Variants in HDAC9 observed in about 807,000 individuals in gnomAD.
HDAC9 encodes MEF-2 interacting transcription repressor (MITR) protein.
In HDAC9, 41 loss-of-function variants were observed where a neutral mutation model predicts 139.4. That is an observed-to-expected ratio of 0.29 (90% confidence interval 0.23 to 0.38). HDAC9 has a LOEUF of 0.38. Ranked by LOEUF, HDAC9 falls within the 10% of genes least tolerant of loss-of-function variation. The probability of loss-of-function intolerance (pLI) is 1.00; values close to 1 mark genes in which losing one functional copy is unlikely to be tolerated. For synonymous variants in HDAC9, 517 were observed against 476.2 expected, an observed-to-expected ratio of 1.09 and a Z score of -1.12; for missense variants, 1,147 against 1,297.0, an observed-to-expected ratio of 0.88 and a Z score of 1.78.
chr7:18,159,575 G>C (rs1787473980), intron 1 of HDAC9, among the ~76,000 whole-genome samples: 1 of 152,156 alleles, frequency 6.6e-6, no homozygotes, highest in African/African-American at 2.4e-5. Context: ...GGAGAGGGAA[G>C]CATATATAGC....
At chr7:18,949,607 C>G (rs1782649620) in intron 23 of HDAC9, 3 of 178,552 alleles carry the variant, frequency 1.7e-5, no homozygotes, top group Non-Finnish European at 3.6e-5. Context: ...ATCATAGGTA[C>G]CAGCTCCTGA....
Position 18,184,593 on chromosome 7 carries a change from C to T in HDAC9, c.25+22244C>T, listed in dbSNP as rs571548717. Among the ~76,000 whole-genome samples the T allele has an allele frequency of 9.9e-5, 15 of 152,254 alleles. No homozygotes were observed. The East Asian group carries it at 2.7e-3, about 27-fold the overall frequency. On this transcript the variant is annotated intron_variant, in intron 2 of 12. Transcript: ENST00000417496. ...GGTGAGGAATTTCCACGTGTGGCAT[C>T]ATGTTGGTGTTCAAAAAGTTTCAGA...
chr7:18,601,489 G>GC (rs1258790823), intron 6 of HDAC9, among the ~76,000 whole-genome samples: 1 of 151,450 alleles, frequency 6.6e-6, no homozygotes, highest in Non-Finnish European at 1.5e-5. Flanking sequence ...TATTGCACTA[G>GC]CTAGGACATT....
At chr7:18,158,750 G>A (rs911402048) in intron 1 of HDAC9, among the ~76,000 whole-genome samples, 1 of 152,232 alleles carries the variant, frequency 6.6e-6, no homozygotes, top group African/African-American at 2.4e-5. Context: ...GGCCACATAG[G>A]TGGAATGGTT....
At chr7:18,509,053 A>T (rs1277753882) in intron 2 of HDAC9, among the ~76,000 whole-genome samples, 1 of 152,266 alleles carries the variant, frequency 6.6e-6, no homozygotes, top group Admixed American at 6.5e-5. Context: ...CTATTTTTTA[A>T]AAAGGGAGAA....
chr7:18,276,432 A>G (rs186321113), intron 2 of HDAC9, among the ~76,000 whole-genome samples: 17 of 152,304 alleles, frequency 1.1e-4, no homozygotes, highest in Non-Finnish European at 2.1e-4. Context: ...TGCCTAATGC[A>G]TTCAGTTTGT....
chr7:18,590,748 A>G (rs1443347311), intron 4 of HDAC9, among the ~76,000 whole-genome samples: 1 of 152,146 alleles, frequency 6.6e-6, no homozygotes, highest in Non-Finnish European at 1.5e-5. Context: ...CTTAAAAATA[A>G]TGTAATTCTA....
intron 6 of HDAC9, among the ~76,000 whole-genome samples, chr7:18,602,445 A>G (rs1438751144): frequency 6.7e-6 from 1 of 148,554 alleles, no homozygotes; most frequent in Non-Finnish European, 1.5e-5. Flanking sequence ...CCTGGTTATA[A>G]TTGTCTTGAA....
intron 2 of HDAC9, among the ~76,000 whole-genome samples, chr7:18,175,304 A>G (rs1031935917): frequency 6.6e-6 from 1 of 152,162 alleles, no homozygotes. Context: ...ATTTGCTAAG[A>G]CTATTGGAAA....
chr7:18,951,284 A>G (rs569643198), intron 23 of HDAC9, among the ~76,000 whole-genome samples: 3 of 152,000 alleles, frequency 2.0e-5, no homozygotes, highest in Non-Finnish European at 4.4e-5. Flanking sequence ...AATCATGCCA[A>G]TACATTATCA....
At chr7:18,276,248 G>T (rs1184885117) in intron 2 of HDAC9, among the ~76,000 whole-genome samples, 12 of 152,144 alleles carry the variant, frequency 7.9e-5, no homozygotes, top group Non-Finnish European at 1.5e-5. Flanking sequence ...GGTAGGCCAG[G>T]TGTGCACATT....
intron 2 of HDAC9, among the ~76,000 whole-genome samples, chr7:18,501,428 ATAGT>A (rs1045947043): frequency 6.6e-6 from 1 of 152,138 alleles, no homozygotes; most frequent in Admixed American, 6.6e-5. Flanking sequence ...ATTTTTAAAA[ATAGT>A]TTATTTAACC....
chr7:18,258,792 A>G (rs1017691098), intron 2 of HDAC9, among the ~76,000 whole-genome samples: 2 of 152,150 alleles, frequency 1.3e-5, no homozygotes, highest in Non-Finnish European at 2.9e-5. Context: ...AAATCATACT[A>G]TAAATCAGTA....
intron 1 of HDAC9, among the ~76,000 whole-genome samples, chr7:18,334,572 C>A (rs1018245912): frequency 1.3e-5 from 2 of 151,182 alleles, no homozygotes; most frequent in African/African-American, 4.8e-5. Context: ...GTCACTTTTT[C>A]AAAAATCACG....
intron 2 of HDAC9, among the ~76,000 whole-genome samples, chr7:18,504,957 C>T (rs1026930137): frequency 1.3e-5 from 2 of 152,100 alleles, no homozygotes; most frequent in Non-Finnish European, 2.9e-5. Flanking sequence ...TATGTATAAA[C>T]AAATACCTAG....
chr7:18,961,229 G>T (rs1257582827), intron 24 of HDAC9, among the ~76,000 whole-genome samples: 1 of 152,158 alleles, frequency 6.6e-6, no homozygotes, highest in African/African-American at 2.4e-5. Context: ...TTCCAGCAGG[G>T]AAGAAGCATG....
Position 18,585,534 on chromosome 7 carries a change from T to G in HDAC9, c.264+12T>G. The G allele has an allele frequency of 6.2e-7, 1 of 1,612,312 alleles. No homozygotes were observed. ...AGGAGCATATCAAGGTAGCAAATGC[T>G]TCTTTGTCTGTGACCTTACTCAGGA... On this transcript the variant is annotated intron_variant, in intron 3 of 25. Coordinates refer to ENST00000686413, the MANE Select transcript of HDAC9 (RefSeq NM_178425.4).
upstream of HDAC9, among the ~76,000 whole-genome samples, chr7:18,495,219 C>A (rs1796702553): frequency 6.6e-6 from 1 of 151,978 alleles, no homozygotes; most frequent in African/African-American, 2.4e-5. Flanking sequence ...GAGAAACAGG[C>A]AACAAAAATA....
At chr7:18,478,821 CT>C (rs1290079873) in intron 1 of HDAC9, among the ~76,000 whole-genome samples, 3 of 152,112 alleles carry the variant, frequency 2.0e-5, no homozygotes, top group African/African-American at 7.2e-5. Context: ...CAATTTTTGT[CT>C]GTCTGCTGGG....
Sources: allele counts gnomAD v4.1 joint callset (sites outside exome capture counted in the v4.1 genomes callset), GRCh38; gene constraint gnomAD v4.1.1; transcripts MANE v1.5; gene names NCBI Gene and HGNC (gene_info 2026-07-23, HGNC 2026-07-21).